Variants in ATP2C2 observed in about 807,000 individuals in gnomAD.
ATP2C2 encodes the protein calcium-transporting ATPase type 2C member 2.
Under a neutral mutation model 110.8 loss-of-function variants are expected in ATP2C2, and 171 were observed. That is an observed-to-expected ratio of 1.54 (90% CI 1.36 to 1.75). ATP2C2 has a LOEUF of 1.75. ATP2C2 is among the 40% of genes most tolerant of loss of function. The pLI, the probability that ATP2C2 is intolerant of heterozygous loss-of-function variation, is 0.00. For missense variants in ATP2C2, 1,963 were observed against 1,235.0 expected (o/e 1.59, Z -8.84); for synonymous variants, 804 against 508.4 (o/e 1.58, Z -7.82).
intron 15 of ATP2C2, among the ~76,000 whole-genome samples, chr16:84,445,494 C>A (rs957510314): frequency 2.0e-5 from 3 of 152,196 alleles, no homozygotes; most frequent in African/African-American, 7.2e-5. Context: ...AGGCATGAGC[C>A]ACCATGCCCG....
chr16:84,368,804 G>T (rs1173589333), intron 1 of ATP2C2, 90 bp downstream of exon 1: 2 of 1,135,062 alleles, frequency 1.8e-6, no homozygotes, highest in Non-Finnish European at 2.4e-6. Context: ...CCGCGTTCGC[G>T]CTGCGATCCG....
At chr16:84,408,552 C>T (rs538913558) in intron 4 of ATP2C2, 58 bp downstream of exon 4, 2 of 1,386,568 alleles carry the variant, frequency 1.4e-6, no homozygotes, top group Non-Finnish European at 1.0e-6. Flanking sequence ...TGCTGAGTCT[C>T]TGCTTGTTAT....
intron 14 of ATP2C2, among the ~76,000 whole-genome samples, chr16:84,441,919 T>A (rs563480889): frequency 6.6e-6 from 1 of 151,000 alleles, no homozygotes; most frequent in African/African-American, 2.4e-5. Context: ...TGAGACTCCA[T>A]CTCGAATGAA....
At chr16:84,409,905 C>G (rs1176412809) in intron 4 of ATP2C2, among the ~76,000 whole-genome samples, 1 of 152,166 alleles carries the variant, frequency 6.6e-6, no homozygotes. Context: ...GAATTTCCTA[C>G]TTCCAATTAA....
intron 7 of ATP2C2, among the ~76,000 whole-genome samples, chr16:84,421,303 G>A (rs1026451960): frequency 1.3e-5 from 2 of 152,268 alleles, no homozygotes; most frequent in African/African-American, 4.8e-5. Context: ...GGGGTCCACT[G>A]GGAAGGAAGT....
chr16:84,422,279 A>C (rs1163831715), intron 7 of ATP2C2, 111 bp from the exon 8 acceptor site: 2 of 1,295,744 alleles, frequency 1.5e-6, no homozygotes, highest in Non-Finnish European at 2.1e-6. Flanking sequence ...CTGTAGGTTC[A>C]CTGTGTTCTT....
chr16:84,461,652 T>C, intron 24 of ATP2C2, 62 bp from the exon 25 acceptor site: 1 of 1,463,720 alleles, frequency 6.8e-7, no homozygotes, highest in South Asian at 1.1e-5. Flanking sequence ...CCTGTGCCCT[T>C]TGGTTCAGGA....
chr16:84,427,622 C>T (rs1358539328), intron 11 of ATP2C2, among the ~76,000 whole-genome samples: 1 of 151,784 alleles, frequency 6.6e-6, no homozygotes, highest in Non-Finnish European at 1.5e-5. Context: ...GAGGCTGAGG[C>T]AGAAGAATCG....
intron 23 of ATP2C2, 112 bp from the exon 24 acceptor site, chr16:84,460,542 T>G (rs767474480): frequency 6.7e-7 from 1 of 1,485,924 alleles, no homozygotes. Context: ...AGCAAATGCC[T>G]GGCCCTGCCC....
At chr16:84,377,017 C>A (rs1910288952) in intron 1 of ATP2C2, among the ~76,000 whole-genome samples, 1 of 152,180 alleles carries the variant, frequency 6.6e-6, no homozygotes, top group African/African-American at 2.4e-5. Flanking sequence ...GCTAATAATC[C>A]CAGTACCTCT....
intron 17 of ATP2C2, among the ~76,000 whole-genome samples, 154 bp from the exon 18 acceptor site, chr16:84,451,767 G>A (rs1355111710): frequency 6.6e-6 from 1 of 152,168 alleles, no homozygotes; most frequent in African/African-American, 2.4e-5. Context: ...GAACCCAGGA[G>A]GCAGAGGCTG....
At chr16:84,425,488 T>C (rs1452983141) in intron 10 of ATP2C2, among the ~76,000 whole-genome samples, 1 of 152,124 alleles carries the variant, frequency 6.6e-6, no homozygotes, top group Non-Finnish European at 1.5e-5. Context: ...CAGTCCAAAA[T>C]AGACTGATTG....
chr16:84,443,765 A>C (rs1023884846), intron 15 of ATP2C2, among the ~76,000 whole-genome samples: 11 of 151,808 alleles, frequency 7.2e-5, no homozygotes, highest in African/African-American at 2.7e-4. Context: ...CAAGACTCCA[A>C]CCTCCCACAC....
intron 1 of ATP2C2, among the ~76,000 whole-genome samples, chr16:84,373,295 T>A (rs1597723536): frequency 6.6e-6 from 1 of 151,936 alleles, no homozygotes; most frequent in African/African-American, 2.4e-5. Context: ...AGGTTACGAG[T>A]TCGAGACCAG....
intron 17 of ATP2C2, among the ~76,000 whole-genome samples, chr16:84,449,717 G>T (rs1315727426): frequency 6.6e-6 from 1 of 152,222 alleles, no homozygotes; most frequent in African/African-American, 2.4e-5. Flanking sequence ...CTGCACAGTG[G>T]AGAGATTGGG....
At chr16:84,410,950 C>G in intron 6 of ATP2C2, 185 bp downstream of exon 6, 2 of 628,802 alleles carry the variant, frequency 3.2e-6, no homozygotes, top group Non-Finnish European at 2.8e-6. Context: ...GGGCATGTCA[C>G]TCAACCTCTC....
intron 10 of ATP2C2, 26 bp from the exon 11 acceptor site, chr16:84,425,709 T>A: frequency 6.2e-7 from 1 of 1,611,308 alleles, no homozygotes; most frequent in Non-Finnish European, 8.5e-7. Flanking sequence ...CATATGGAGA[T>A]AAGGATGTTT....
At chr16:84,413,589 C>G (rs547727305) in intron 6 of ATP2C2, among the ~76,000 whole-genome samples, 1 of 152,192 alleles carries the variant, frequency 6.6e-6, no homozygotes, top group Non-Finnish European at 1.5e-5. Context: ...CGATCTTAAG[C>G]TTAAATATCG....
At chr16:84,407,440 C>G (rs1291071650) in intron 3 of ATP2C2, 1 of 152,126 alleles carries the variant, frequency 6.6e-6, no homozygotes, top group Non-Finnish European at 1.5e-5. Context: ...GCCTGGCAGC[C>G]TGGGAATCAA....
Sources: allele counts gnomAD v4.1 joint callset (sites outside exome capture counted in the v4.1 genomes callset), GRCh38; gene constraint gnomAD v4.1.1; transcripts MANE v1.5; gene names NCBI Gene and HGNC (gene_info 2026-07-23, HGNC 2026-07-21).